RCOR1: variants seen among roughly 807,000 people sequenced by gnomAD.
RCOR1 encodes the protein REST corepressor 1, also known as REST corepressor.
In RCOR1, 12 loss-of-function variants were observed where a neutral mutation model predicts 64.0. The ratio of observed to expected loss-of-function variants is 0.19; its 90% confidence interval spans 0.12 to 0.30. The LOEUF (loss-of-function observed/expected upper bound fraction) is 0.30. RCOR1 is among the 10% of genes least tolerant of loss of function. The probability of loss-of-function intolerance (pLI) is 1.00; values close to 1 mark genes in which losing one functional copy is unlikely to be tolerated. For synonymous variants in RCOR1, 279 were observed against 227.2 expected (o/e 1.23, Z -2.05); for missense variants, 502 against 621.2 (o/e 0.81, Z 2.04).
intron 2 of RCOR1, among the ~76,000 whole-genome samples, chr14:102,598,900 T>C (rs1158672105): frequency 6.6e-6 from 1 of 152,046 alleles, no homozygotes; most frequent in East Asian, 1.9e-4. Flanking sequence ...AAAACCTAAG[T>C]GCAGCCCTAC....
In RCOR1 at chr14:102,622,711, C is replaced by T. The variant is rs147049555; in HGVS notation, c.361+29386C>T. ...ATGACACTGCCTCCCTGCAGCCCTC[C>T]GAAAGAGTACTTGCCTGCCCCTCCA... On this transcript the variant is annotated intron_variant, in intron 2 of 11. Coordinates refer to ENST00000262241, the MANE Select transcript of RCOR1 (RefSeq NM_015156.4). Among the ~76,000 whole-genome samples, 464 of 152,232 alleles carry T rather than the reference C, an allele frequency of 3.0e-3. 2 individuals carry two copies. Among genetic ancestry groups the T allele is most frequent in the South Asian group, 0.016 (78 of 4,828 alleles).
chr14:102,614,392 T>G (rs945371487), intron 2 of RCOR1, among the ~76,000 whole-genome samples: 2 of 151,514 alleles, frequency 1.3e-5, no homozygotes, highest in East Asian at 3.9e-4. Context: ...GCCCGGCTAA[T>G]TTTTTGCATT....
chr14:102,692,440 A>ACACAC (rs1555466514), intron 3 of RCOR1, among the ~76,000 whole-genome samples: 1 of 146,244 alleles, frequency 6.8e-6, no homozygotes, highest in South Asian at 2.2e-4. Context: ...GGAAAAAGTT[A>ACACAC]ACACACACAC....
intron 2 of RCOR1, among the ~76,000 whole-genome samples, chr14:102,661,215 G>A (rs1894817843): frequency 6.6e-6 from 1 of 152,140 alleles, no homozygotes; most frequent in African/African-American, 2.4e-5. Flanking sequence ...GGGCGTGATG[G>A]TGGGTACCTG....
chr14:102,651,552 CA>C (rs1157635431), intron 2 of RCOR1, among the ~76,000 whole-genome samples: 132 of 114,480 alleles, frequency 1.2e-3, no homozygotes, highest in Admixed American at 1.6e-3. Context: ...GACTCCATCT[CA>C]AAAAAAAAAA....
chr14:102,612,412 T>C (rs1893650214), intron 2 of RCOR1, among the ~76,000 whole-genome samples: 1 of 151,772 alleles, frequency 6.6e-6, no homozygotes, highest in Admixed American at 6.6e-5. Flanking sequence ...TGGGCCAGGC[T>C]GGTCTTGAAC....
chr14:102,722,274 A>C lies in RCOR1; in HGVS notation c.1277A>C (p.Asn426Thr), dbSNP rs1896181493. ...SVVQVKNFFV[N>T]YRRRFNIDEV... is the part of the protein sequence containing the mutation. ...GTACAAGTGAAAAACTTTTTTGTAA[A>C]TTATCGACGCCGCTTCAACATAGAT... is the stretch of plus-strand genomic sequence containing the variant. Residue 426 changes from asparagine to threonine, a missense_variant, in exon 11 of 12, where the codon AAT becomes ACT. By Grantham distance (65) the Asn-to-Thr change is moderately conservative. Transcript: ENST00000262241. 1.2e-6 allele frequency: 2 copies of C among 1,614,212 alleles called. No individual in the cohort carries two copies. The highest frequency in any genetic ancestry group is 4.5e-5 in the East Asian group (2 of 44,890).
intron 7 of RCOR1, among the ~76,000 whole-genome samples, chr14:102,712,947 G>GTTTTTTTTTTTTTTTT (rs67246962): frequency 1.3e-5 from 1 of 77,688 alleles, no homozygotes; most frequent in Non-Finnish European, 2.3e-5. Flanking sequence ...CTAAATCATT[G>GTTTTTTTTTTTTTTTT]TTTTTTTTTT....
chr14:102,604,437 A>T (rs1893463376), intron 2 of RCOR1, among the ~76,000 whole-genome samples: 1 of 152,280 alleles, frequency 6.6e-6, no homozygotes. Flanking sequence ...CCCTCGAAAG[A>T]ATGATCTATC....
At chr14:102,624,894 G>C (rs1893950444) in intron 2 of RCOR1, among the ~76,000 whole-genome samples, 5 of 152,104 alleles carry the variant, frequency 3.3e-5, no homozygotes, top group African/African-American at 1.2e-4. Flanking sequence ...GTTTTTTCTG[G>C]AAGTCTTCCC....
rs1484259239 is a variant in RCOR1, at chr14:102,681,926, C to T, written c.393C>T (p.Asp131=). The change falls in exon 3 of 12, where the codon GAC becomes GAT. Residue 131 remains aspartate, a synonymous_variant. Transcript: ENST00000262241. ...AKLARRSQER[D]NLGMLVWSPN... ...TGGCAAGACGCAGTCAAGAACGGGA[C>T]AATCTTGGCATGTTGGTCTGGTCAC... The T allele has an allele frequency of 6.2e-7, 1 of 1,613,812 alleles. No homozygotes were observed. The highest frequency in any genetic ancestry group is 8.5e-7 in the Non-Finnish European group (1 of 1,179,842).
At chr14:102,593,418 T>C (rs1893175849) in intron 2 of RCOR1, 93 bp downstream of exon 2, 2 of 1,323,968 alleles carry the variant, frequency 1.5e-6, no homozygotes. Context: ...CCGACAACTT[T>C]CTTTTTGTGC....
intron 3 of RCOR1, among the ~76,000 whole-genome samples, chr14:102,699,588 T>C (rs1398428747): frequency 6.6e-6 from 1 of 152,206 alleles, no homozygotes; most frequent in Non-Finnish European, 1.5e-5. Flanking sequence ...AGACTTTTAT[T>C]AGGACTCCTC....
chr14:102,718,852 C>G (rs1458484543), intron 8 of RCOR1, among the ~76,000 whole-genome samples: 1 of 152,052 alleles, frequency 6.6e-6, no homozygotes, highest in African/African-American at 2.4e-5. Flanking sequence ...TGTAGTGATA[C>G]AGTCATGGAT....
At chr14:102,670,340 A>C (rs905536675) in intron 2 of RCOR1, among the ~76,000 whole-genome samples, 1 of 152,152 alleles carries the variant, frequency 6.6e-6, no homozygotes, top group African/African-American at 2.4e-5. Context: ...CTTTTTATAT[A>C]GGTATTAGAG....
intron 2 of RCOR1, among the ~76,000 whole-genome samples, chr14:102,680,233 C>T (rs1391387391): frequency 6.6e-6 from 1 of 151,742 alleles, no homozygotes; most frequent in Non-Finnish European, 1.5e-5. Flanking sequence ...ATATTATTTC[C>T]TACAACCTTA....
At chr14:102,629,363 T>A (rs1157266990) in intron 2 of RCOR1, among the ~76,000 whole-genome samples, 1 of 152,130 alleles carries the variant, frequency 6.6e-6, no homozygotes, top group Admixed American at 6.6e-5. Context: ...TTATCTTGTT[T>A]ATTGTATGAT....
chr14:102,609,121 C>G (rs898500535), intron 2 of RCOR1, among the ~76,000 whole-genome samples: 1 of 147,326 alleles, frequency 6.8e-6, no homozygotes, highest in African/African-American at 2.5e-5. Flanking sequence ...TCTCAGCTCA[C>G]TGCAACCTCT....
intron 2 of RCOR1, among the ~76,000 whole-genome samples, chr14:102,667,469 CCAGCCTT>C (rs1434821968): frequency 6.6e-6 from 1 of 151,818 alleles, no homozygotes; most frequent in Non-Finnish European, 1.5e-5. Flanking sequence ...CCACTGTGCT[CCAGCCTT>C]GGCAACAGAG....
Sources: gnomAD v4.1 joint callset for allele counts (sites outside exome capture counted in the v4.1 genomes callset) on GRCh38, gnomAD v4.1.1 for gene constraint, MANE v1.5 for transcripts, NCBI Gene and HGNC (gene_info 2026-07-23, HGNC 2026-07-21) for gene names.